DPP9: variants seen among roughly 807,000 people sequenced by gnomAD.
DPP9 encodes dipeptidyl peptidase 9.
DPP9 carries 50 observed loss-of-function variants against 110.7 expected under a neutral mutation model. The observed-to-expected ratio is 0.45, with a 90% CI of 0.36 to 0.57. The LOEUF is 0.57. Among genes scored for constraint, DPP9 ranks in the 20% least tolerant of loss-of-function variants. DPP9 has a pLI of 0.00. For missense variants in DPP9, 1,022 were observed against 1,217.9 expected, an observed-to-expected ratio of 0.84 and a Z score of 2.39; for synonymous variants, 561 against 514.4, an observed-to-expected ratio of 1.09 and a Z score of -1.23.
rs146778406 is a variant in DPP9, at chr19:4,694,506, G to GAC, written c.1516+154_1516+155insGT. On this transcript the variant is annotated intron_variant, in intron 13 of 21. Transcript: ENST00000262960. The surrounding 1 kb of genome is among the most constrained non-coding windows in gnomAD (Gnocchi z 4.0). ...GGTGCTCTAAGCCCTGCCAGATCATGCAGTCACTGGGGAAGGCTGGCTTCC... is the reference window on the plus strand; with the variant it reads ...GGTGCTCTAAGCCCTGCCAGATCATGACCAGTCACTGGGGAAGGCTGGCTTCC... 42,055 of 936,992 alleles carry GAC rather than the reference G, an allele frequency of 0.045. 2,383 individuals carry two copies. The highest frequency in any genetic ancestry group is 0.23 in the African/African-American group (13,865 of 60,504). 58.0% of individuals were successfully genotyped at this position (936,992 alleles called of 1,614,324 possible). A position where few individuals can be genotyped will look rare whatever the true frequency, so the allele number is the denominator to read the frequency against.
At chr19:4,722,376 A>G (rs2093360749) in intron 2 of DPP9, 123 bp downstream of exon 2, 1 of 609,310 alleles carries the variant, frequency 1.6e-6, no homozygotes, top group South Asian at 1.9e-5. Flanking sequence ...TGCCCTGCGG[A>G]GGACAACCAT....
chr19:4,714,285 T>C lies in DPP9; in HGVS notation c.109A>G (p.Thr37Ala), dbSNP rs1370863690. ...AERMATTGTPTADRGDAAATD... is the reference protein window; with the variant it reads ...AERMATTGTPAADRGDAAATD... Reference sequence around the variant, plus strand: ...GCGGCTGCGTCGCCTCGGTCGGCCGTTGGGGTCCCGGTGGTGGCCATCCTC... The same window carrying C: ...GCGGCTGCGTCGCCTCGGTCGGCCGCTGGGGTCCCGGTGGTGGCCATCCTC... The change falls in exon 4 of 22, where the codon ACG becomes GCG. Residue 37 changes from threonine (T) to alanine (A), a missense_variant. This residue lies in a region of DPP9 where 810 missense variants were observed against 920.6 expected (regional missense o/e 0.88). Transcript: ENST00000262960. 4.5e-6 allele frequency: 7 copies of C among 1,550,360 alleles called. No individual in the cohort carries two copies. The highest frequency in any genetic ancestry group is 2.4e-5 in the East Asian group (1 of 41,828).
intron 9 of DPP9, among the ~76,000 whole-genome samples, chr19:4,701,666 G>A (rs1286430133): frequency 2.0e-5 from 3 of 152,254 alleles, no homozygotes; most frequent in African/African-American, 7.2e-5. Flanking sequence ...CCAAACTTCA[G>A]TCAAGTTTCC....
intron 2 of DPP9, 69 bp downstream of exon 2, chr19:4,722,430 G>C: frequency 1.4e-6 from 1 of 694,638 alleles, no homozygotes; most frequent in South Asian, 1.5e-5. Context: ...CTATATTCTA[G>C]AGCAGGCAAA....
chr19:4,706,004 C>A, intron 4 of DPP9, 34 bp from the exon 5 acceptor site: 9 of 1,588,702 alleles, frequency 5.7e-6, no homozygotes, highest in Non-Finnish European at 6.9e-6. Context: ...AGAACGGGTA[C>A]CCTGGCTCAG....
Position 4,685,506 on chromosome 19 carries a change from C to T in DPP9, c.2031+120G>A. On this transcript the variant is annotated intron_variant, in intron 17 of 21. Coordinates refer to ENST00000262960, the MANE Select transcript of DPP9 (RefSeq NM_139159.5). The surrounding 1 kb of genome is among the most constrained non-coding windows in gnomAD (Gnocchi z 5.8). ...AGGGCAGGCGGGGTGGGCTGGGGCACCAGGCAGGTAGCCGGGGAGCCTCCT... is the reference window on the plus strand; with the variant it reads ...AGGGCAGGCGGGGTGGGCTGGGGCATCAGGCAGGTAGCCGGGGAGCCTCCT... The T allele has an allele frequency of 8.6e-7, 1 of 1,166,890 alleles. No individual in the cohort carries two copies. Among genetic ancestry groups the T allele is most frequent in the East Asian group, 2.6e-5 (1 of 39,006 alleles). 72.3% of individuals were successfully genotyped at this position (1,166,890 alleles called of 1,614,324 possible). A position where few individuals can be genotyped will look rare whatever the true frequency, so the allele number is the denominator to read the frequency against.
Position 4,718,272 on chromosome 19 carries a change from G to C in DPP9, c.56+1579C>G, listed in dbSNP as rs1330218727. Among the ~76,000 whole-genome samples the C allele has an allele frequency of 1.3e-5, 2 of 152,154 alleles. No individual in the cohort carries two copies. The highest frequency in any genetic ancestry group is 2.9e-5 in the Non-Finnish European group (2 of 68,020). Reference sequence around the variant, plus strand: ...GAGCTGGTGCTTTGGTGGCGAGCGGGGGCGGGGGAGTAGTTGGAGATGGGG... The same window carrying C: ...GAGCTGGTGCTTTGGTGGCGAGCGGCGGCGGGGGAGTAGTTGGAGATGGGG... On this transcript the variant is annotated intron_variant, in intron 3 of 21. Transcript: ENST00000262960. This position sits in a 1 kb window ranked among gnomAD's most constrained non-coding sequence, Gnocchi z 4.3.
chr19:4,685,328 C>T lies in DPP9; in HGVS notation c.2031+298G>A, dbSNP rs1156653668. ...AATTGGGCCCAGGGCCCATGGCCAC[C>T]TCCATACCAACCTGGAGACTAGGGG... On this transcript the variant is annotated intron_variant, in intron 17 of 21. Coordinates refer to ENST00000262960, the MANE Select transcript of DPP9 (RefSeq NM_139159.5). This position sits in a 1 kb window ranked among gnomAD's most constrained non-coding sequence, Gnocchi z 5.8. The T allele has an allele frequency of 1.7e-6, 1 of 593,412 alleles. No homozygotes were observed. The highest frequency in any genetic ancestry group is 3.2e-6 in the Non-Finnish European group (1 of 315,366). The allele number at this position is 593,412 out of a possible 1,614,324, so 36.8% of individuals were successfully genotyped here.
chr19:4,714,242 G>A lies in DPP9; in HGVS notation c.152C>T (p.Ala51Val). The change falls in exon 4 of 22, where the codon GCC (alanine) becomes GTC (valine). Residue 51 changes from alanine to valine, a missense_variant. Ala to Val is a moderately conservative substitution (Grantham distance 64). Around this residue, in one of 3 missense-constraint regions of DPP9, gnomAD observed 810 missense variants for 920.6 expected, o/e 0.88. Transcript: ENST00000262960. ...GDAAATDDPA[A>V]RFQVQKHSWD... ...CGAGTGCTTCTGCACCTGGAAGCGG[G>A]CGGCCGGGTCATCTGTGGCGGCTGC... The A allele has an allele frequency of 6.3e-7, 1 of 1,591,982 alleles. No individual in the cohort carries two copies. Among genetic ancestry groups the A allele is most frequent in the Non-Finnish European group, 8.5e-7 (1 of 1,170,074 alleles).
At chr19:4,683,779 C>A in intron 18 of DPP9, 150 bp from the exon 19 acceptor site, 2 of 1,560,290 alleles carry the variant, frequency 1.3e-6, no homozygotes, top group Non-Finnish European at 1.7e-6. Flanking sequence ...CCTGCTAACC[C>A]TGCCTGCTAT....
intron 21 of DPP9, chr19:4,679,532 C>T: frequency 2.5e-6 from 1 of 405,936 alleles, no homozygotes; most frequent in South Asian, 2.8e-5. Context: ...GTCTGCGGGG[C>T]AATTTCGGTA....
intron 21 of DPP9, chr19:4,679,598 C>T: frequency 1.8e-6 from 1 of 540,914 alleles, no homozygotes; most frequent in South Asian, 2.2e-5. Context: ...GCCCCCGATC[C>T]CGTGCTTCCA....
In DPP9 at chr19:4,718,901, C is replaced by T. The variant is rs1396862424; in HGVS notation, c.56+950G>A. 2.0e-5 allele frequency among the ~76,000 whole-genome samples: 3 copies of T among 152,134 alleles called. No individual in the cohort carries two copies. The highest frequency in any genetic ancestry group is 1.3e-4 in the Admixed American group (2 of 15,274). On this transcript the variant is annotated intron_variant, in intron 3 of 21. Transcript: ENST00000262960. This position sits in a 1 kb window ranked among gnomAD's most constrained non-coding sequence, Gnocchi z 4.3. ...GAATACTGAGAAAGGTTCGCAGGGTCGAGGAATTCCTACCGCCTTTTCATC... is the reference window on the plus strand; with the variant it reads ...GAATACTGAGAAAGGTTCGCAGGGTTGAGGAATTCCTACCGCCTTTTCATC...
intron 10 of DPP9, among the ~76,000 whole-genome samples, chr19:4,699,404 C>T (rs1332341252): frequency 6.6e-6 from 1 of 152,060 alleles, no homozygotes; most frequent in Non-Finnish European, 1.5e-5. Context: ...TGTTACTTAA[C>T]TTCCTGACAC....
intron 13 of DPP9, among the ~76,000 whole-genome samples, chr19:4,691,352 T>C (rs2091296315): frequency 6.6e-6 from 1 of 151,662 alleles, no homozygotes; most frequent in African/African-American, 2.4e-5. Flanking sequence ...GGCGTGTGCC[T>C]GTGGTCCAAG....
At chr19:4,678,984 A>T (rs567972893) in intron 21 of DPP9, among the ~76,000 whole-genome samples, 1 of 151,068 alleles carries the variant, frequency 6.6e-6, no homozygotes, top group Admixed American at 6.6e-5. Flanking sequence ...ACCTCCCACC[A>T]CCCTCAGTTG....
At position 4,704,609 on chromosome 19, in the gene DPP9, TG is replaced by T. The variant is rs775383224; in HGVS notation, c.427-306del. The stretch of plus-strand genomic sequence containing the variant: ...CCCCACAGACCCTCTCCATAGCAGA[TG>T]GGGGCCCCTGGGAGGGGCTGTCCCT... On this transcript the variant is annotated intron_variant, in intron 5 of 21. Transcript: ENST00000262960. This position sits in a 1 kb window ranked among gnomAD's most constrained non-coding sequence, Gnocchi z 6.0. 2.6e-5 allele frequency among the ~76,000 whole-genome samples: 4 copies of T among 152,084 alleles called. No homozygotes were observed. Among genetic ancestry groups the T allele is most frequent in the Non-Finnish European group, 5.9e-5 (4 of 67,994 alleles).
chr19:4,691,337 G>A (rs1055850293), intron 13 of DPP9, among the ~76,000 whole-genome samples: 13 of 152,012 alleles, frequency 8.6e-5, no homozygotes, highest in South Asian at 2.1e-4. Context: ...TTAGCCAGGC[G>A]TGGTGGCGTG....
Position 4,682,785 on chromosome 19 carries a change from G to T in DPP9, c.2385C>A (p.Tyr795Ter). ...CAGGGACGTCCATGTAGCGCTCAGT[G>T]TACCCTGTGTCGTAGGCCATCCAGA... Reference protein sequence around the residue: ...VTVWMAYDTGYTERYMDVPEN... With the variant: ...VTVWMAYDTG The change falls in exon 20 of 22, where the codon TAC (tyrosine) becomes TAA (stop). Residue 795 changes from tyrosine (Y) to a stop codon, truncating the protein, a stop_gained. Transcript: ENST00000262960. LOFTEE classifies it high-confidence loss of function. This position sits in a 1 kb window ranked among gnomAD's most constrained non-coding sequence, Gnocchi z 7.1. The T allele has an allele frequency of 1.2e-6, 2 of 1,601,100 alleles. No individual in the cohort carries two copies. Among genetic ancestry groups the T allele is most frequent in the South Asian group, 1.1e-5 (1 of 88,810 alleles).
Sources: gnomAD v4.1 joint callset for allele counts (sites outside exome capture counted in the v4.1 genomes callset) on GRCh38, gnomAD v4.1.1 for gene constraint, gnomAD v4.1.1 regional missense constraint, Gnocchi (gnomAD v3.1) non-coding constraint, MANE v1.5 for transcripts, NCBI Gene and HGNC (gene_info 2026-07-23, HGNC 2026-07-21) for gene names.